The following FAM135B variants were observed in gnomAD, a reference collection of about 807,000 sequenced individuals.
FAM135B encodes the protein family with sequence similarity 135 member B, also known as protein FAM135B.
A neutral mutation model predicts 127.7 loss-of-function variants in FAM135B; 43 were observed. The observed-to-expected ratio is 0.34, with a 90% CI of 0.26 to 0.43. The LOEUF is 0.43. Ranked by LOEUF, FAM135B falls within the 20% of genes least tolerant of loss-of-function variation. The pLI is 1.00. For synonymous variants in FAM135B, 670 were observed against 665.1 expected, an observed-to-expected ratio of 1.01 and a Z score of -0.11; for missense variants, 1,558 against 1,725.6, an observed-to-expected ratio of 0.90 and a Z score of 1.72.
At chr8:138,197,355 A>G (rs528605299) in intron 8 of FAM135B, among the ~76,000 whole-genome samples, 161 bp downstream of exon 8, 63 of 152,312 alleles carry the variant, frequency 4.1e-4, no homozygotes, top group Admixed American at 8.5e-4. Flanking sequence ...TGCATTTCCC[A>G]GATCCTCTCC....
intron 7 of FAM135B, among the ~76,000 whole-genome samples, chr8:138,227,615 C>T (rs943615335): frequency 3.3e-5 from 5 of 152,046 alleles, no homozygotes; most frequent in Admixed American, 1.3e-4. Flanking sequence ...TGGGCATATG[C>T]ACATGTTCAT....
intron 1 of FAM135B, among the ~76,000 whole-genome samples, chr8:138,466,452 A>G (rs942129307): frequency 2.0e-5 from 3 of 152,170 alleles, no homozygotes; most frequent in African/African-American, 7.2e-5. Flanking sequence ...ATGCACCAGG[A>G]AAGGCAATGT....
chr8:138,463,721 AAGC>A (rs1457946829), intron 1 of FAM135B, among the ~76,000 whole-genome samples: 1 of 152,154 alleles, frequency 6.6e-6, no homozygotes, highest in African/African-American at 2.4e-5. Context: ...TAGAAAAGAG[AAGC>A]AGTAGTAAGA....
At chr8:138,303,589 C>G (rs1482404238) in intron 3 of FAM135B, among the ~76,000 whole-genome samples, 1 of 152,098 alleles carries the variant, frequency 6.6e-6, no homozygotes, top group Non-Finnish European at 1.5e-5. Flanking sequence ...TATCCCAGAA[C>G]TTAAAGTAAA....
chr8:138,379,124 C>T (rs946588776), intron 1 of FAM135B, among the ~76,000 whole-genome samples: 1 of 152,176 alleles, frequency 6.6e-6, no homozygotes, highest in Non-Finnish European at 1.5e-5. Context: ...CAAACAGACT[C>T]CTAAGTGTGT....
At chr8:138,181,584 G>A (rs1022886584) in intron 9 of FAM135B, among the ~76,000 whole-genome samples, 7 of 152,028 alleles carry the variant, frequency 4.6e-5, no homozygotes, top group Non-Finnish European at 7.4e-5. Context: ...GTCTCCCTGC[G>A]CACCTTCCCC....
chr8:138,429,737 G>C (rs766369729), intron 1 of FAM135B, among the ~76,000 whole-genome samples: 39 of 152,160 alleles, frequency 2.6e-4, no homozygotes, highest in Non-Finnish European at 5.1e-4. Flanking sequence ...AGAGATGTTG[G>C]CGGCCAGTCC....
At chr8:138,344,518 A>G (rs1829268327) in intron 2 of FAM135B, among the ~76,000 whole-genome samples, 1 of 151,256 alleles carries the variant, frequency 6.6e-6, no homozygotes, top group African/African-American at 2.4e-5. Flanking sequence ...ACGTCCTCAA[A>G]GACGCTTTTC....
intron 7 of FAM135B, among the ~76,000 whole-genome samples, chr8:138,219,290 G>A (rs945055080): frequency 6.6e-6 from 1 of 152,114 alleles, no homozygotes; most frequent in African/African-American, 2.4e-5. Context: ...AGGGAGAAAA[G>A]AAAATGACAC....
intron 9 of FAM135B, among the ~76,000 whole-genome samples, chr8:138,180,597 G>A (rs2130998280): frequency 6.6e-6 from 1 of 152,308 alleles, no homozygotes; most frequent in Non-Finnish European, 1.5e-5. Context: ...ACTAGTGCTA[G>A]ATAGAGACCA....
At chr8:138,219,500 C>T (rs945088181) in intron 7 of FAM135B, among the ~76,000 whole-genome samples, 6 of 152,144 alleles carry the variant, frequency 3.9e-5, no homozygotes, top group African/African-American at 1.2e-4. Context: ...GAAGGCCACT[C>T]GGCAATCACC....
intron 1 of FAM135B, among the ~76,000 whole-genome samples, chr8:138,475,679 C>A (rs563187139): frequency 6.6e-6 from 1 of 152,340 alleles, no homozygotes; most frequent in Admixed American, 6.5e-5. Flanking sequence ...ATTCTTACCT[C>A]ATTGATGGTA....
chr8:138,361,882 CCTT>C (rs1259880775), intron 2 of FAM135B, among the ~76,000 whole-genome samples: 2 of 152,164 alleles, frequency 1.3e-5, no homozygotes. Context: ...CTGCATTCCT[CCTT>C]CTCTGTTTCT....
rs1815423755 is a variant in FAM135B at position 138,496,986 on chromosome 8, G to A, written c.-335C>T. Among the ~76,000 whole-genome samples, 8 of 152,100 alleles carry A rather than the reference G, an allele frequency of 5.3e-5. No individual in the cohort carries two copies. The South Asian group carries it at 1.5e-3, about 28-fold the overall frequency. ...GCCTCCGGGCAGCCCCAGCGAGCAGGCGCCAGGACGCGAGGCTGTCAGCGC... is the reference window on the plus strand; with the variant it reads ...GCCTCCGGGCAGCCCCAGCGAGCAGACGCCAGGACGCGAGGCTGTCAGCGC... On this transcript the variant is annotated 5_prime_UTR_variant, in exon 1 of 20. Coordinates refer to ENST00000395297, the MANE Select transcript of FAM135B (RefSeq NM_015912.4).
intron 9 of FAM135B, among the ~76,000 whole-genome samples, chr8:138,189,456 T>C (rs569732892): frequency 2.0e-5 from 3 of 152,318 alleles, no homozygotes; most frequent in African/African-American, 7.2e-5. Flanking sequence ...CTGCCCTCAT[T>C]GGCGGAAAGC....
intron 3 of FAM135B, among the ~76,000 whole-genome samples, chr8:138,286,075 C>T (rs1824660587): frequency 6.6e-6 from 1 of 152,138 alleles, no homozygotes; most frequent in African/African-American, 2.4e-5. Flanking sequence ...CCACAAAACA[C>T]TCAAGTAACC....
At chr8:138,312,418 C>A (rs987007727) in intron 2 of FAM135B, among the ~76,000 whole-genome samples, 5 of 152,128 alleles carry the variant, frequency 3.3e-5, no homozygotes, top group Admixed American at 2.0e-4. Context: ...AGGTTAGGAA[C>A]CTCAGGACCC....
chr8:138,403,718 C>T (rs1028733727), intron 1 of FAM135B, among the ~76,000 whole-genome samples: 9 of 152,240 alleles, frequency 5.9e-5, no homozygotes, highest in African/African-American at 2.2e-4. Context: ...TTCTGTGCCT[C>T]TTCTGAATGG....
Position 138,141,764 on chromosome 8 carries a change from C to A in FAM135B, c.3639-415G>T, listed in dbSNP as rs1817171773. Among the ~76,000 whole-genome samples, 2 of 152,168 alleles carry A rather than the reference C, an allele frequency of 1.3e-5. No individual in the cohort carries two copies. Among genetic ancestry groups the A allele is most frequent in the Non-Finnish European group, 2.9e-5 (2 of 68,046 alleles). On this transcript the variant is annotated intron_variant, in intron 16 of 19. Transcript: ENST00000395297. This position sits in a 1 kb window ranked among gnomAD's most constrained non-coding sequence, Gnocchi z 4.7. ...TTCATATACGGATGGCCTCACAATG[C>A]CATTCATCCTCTCCTTCACCCGCTG...
Sources: allele counts gnomAD v4.1 joint callset (sites outside exome capture counted in the v4.1 genomes callset), GRCh38; gene constraint gnomAD v4.1.1; non-coding constraint Gnocchi (gnomAD v3.1); transcripts MANE v1.5; gene names NCBI Gene and HGNC (gene_info 2026-07-23, HGNC 2026-07-21).